The following CAPN13 variants were observed in gnomAD, a reference collection of about 807,000 sequenced individuals.
The protein encoded by CAPN13 is calpain 13, also known as calpain-13.
A neutral mutation model predicts 98.4 loss-of-function variants in CAPN13; 90 were observed. That is an observed-to-expected ratio of 0.92 (90% CI 0.77 to 1.09). CAPN13 has a LOEUF of 1.09. Among genes scored for constraint, CAPN13 ranks in the 50% least tolerant of loss-of-function variants. The pLI, the probability that CAPN13 is intolerant of heterozygous loss-of-function variation, is 0.00. For synonymous variants in CAPN13, 330 were observed against 305.5 expected, an observed-to-expected ratio of 1.08 and a Z score of -0.84; for missense variants, 887 against 841.3, an observed-to-expected ratio of 1.05 and a Z score of -0.67.
rs752236508 is a variant in CAPN13 at position 30,751,109 on chromosome 2, C to T, written c.1230G>A (p.Val410=). The T allele has an allele frequency of 3.7e-6, 6 of 1,613,598 alleles. No homozygotes were observed. The highest frequency in any genetic ancestry group is 5.1e-6 in the Non-Finnish European group (6 of 1,179,700). ...CTGAAGCAGGCTGCCTTACCAGAATCACTTGGAAATCGAGTGGAAATTTTG... is the reference window on the plus strand; with the variant it reads ...CTGAAGCAGGCTGCCTTACCAGAATTACTTGGAAATCGAGTGGAAATTTTG... ...EDAKFPLDFQ[V]ILAGSQRFRE... The change falls in exon 11 of 23, where the codon GTG becomes GTA. Residue 410 remains valine (V), a synonymous_variant. Coordinates refer to ENST00000295055, the MANE Select transcript of CAPN13 (RefSeq NM_144575.3).
chr2:30,772,904 G>A (rs146291196), intron 4 of CAPN13, among the ~76,000 whole-genome samples: 36 of 151,452 alleles, frequency 2.4e-4, no homozygotes, highest in African/African-American at 6.3e-4. Flanking sequence ...TCGGCTCACC[G>A]CAACCTCTGA....
At chr2:30,759,116 T>C (rs1672680383) in intron 7 of CAPN13, among the ~76,000 whole-genome samples, 1 of 101,538 alleles carries the variant, frequency 9.8e-6, no homozygotes, top group African/African-American at 4.4e-5. Context: ...CCTCCCTTTC[T>C]TCCTCTGTCT....
intron 8 of CAPN13, among the ~76,000 whole-genome samples, 164 bp from the exon 9 acceptor site, chr2:30,754,528 G>C (rs865818527): frequency 1.3e-5 from 2 of 152,254 alleles, no homozygotes; most frequent in African/African-American, 2.4e-5. Context: ...ACCTGTTGAC[G>C]ACTTCCAAAC....
At chr2:30,754,934 T>C (rs1672368735) in intron 8 of CAPN13, among the ~76,000 whole-genome samples, 1 of 152,128 alleles carries the variant, frequency 6.6e-6, no homozygotes, top group South Asian at 2.1e-4. Flanking sequence ...AATGTAAACT[T>C]GATTATATTA....
intron 9 of CAPN13, 82 bp downstream of exon 9, chr2:30,754,208 T>C: frequency 8.8e-7 from 1 of 1,130,346 alleles, no homozygotes; most frequent in Admixed American, 3.2e-5. Flanking sequence ...TCCACCTTCG[T>C]AAATGTTCAG....
intron 2 of CAPN13, among the ~76,000 whole-genome samples, chr2:30,781,519 G>C (rs376914828): frequency 6.6e-6 from 1 of 152,210 alleles, no homozygotes; most frequent in Admixed American, 6.5e-5. Context: ...TTCCCAGGGT[G>C]GGTGGGCACC....
intron 17 of CAPN13, chr2:30,737,638 CA>C (rs1671440725): frequency 6.3e-6 from 1 of 158,558 alleles, no homozygotes; most frequent in African/African-American, 2.4e-5. Context: ...CTGTGTAGAC[CA>C]GGCAGTTTTC....
At chr2:30,745,784 A>T in intron 11 of CAPN13, 50 bp from the exon 12 acceptor site, 3 of 1,560,760 alleles carry the variant, frequency 1.9e-6, no homozygotes, top group Non-Finnish European at 2.6e-6. Context: ...ACGTAAACAA[A>T]AAGGCAAGCA....
At position 30,782,730 on chromosome 2, in the gene CAPN13, C is replaced by A. The variant is rs186745550; in HGVS notation, c.198+4398G>T. ...AAGCAACGTGCTTGGGGCACACAGC[C>A]CATTTTTCAGTTGAGAAGTAAAACG... On this transcript the variant is annotated intron_variant, in intron 2 of 22. Coordinates refer to ENST00000295055, the MANE Select transcript of CAPN13 (RefSeq NM_144575.3). Among the ~76,000 whole-genome samples the A allele has an allele frequency of 2.5e-4, 38 of 152,152 alleles. 1 individual carries two copies. In the East Asian group the frequency reaches 7.0e-3, roughly 28 times the overall value.
At chr2:30,757,628 C>T (rs1428214543) in intron 8 of CAPN13, among the ~76,000 whole-genome samples, 1 of 152,180 alleles carries the variant, frequency 6.6e-6, no homozygotes, top group East Asian at 1.9e-4. Context: ...GATCAGAATC[C>T]CATGGGTCCC....
At chr2:30,799,051 C>A (rs541237608) in intron 1 of CAPN13, among the ~76,000 whole-genome samples, 44 of 152,162 alleles carry the variant, frequency 2.9e-4, no homozygotes, top group African/African-American at 1.0e-3. Context: ...CAGCTATATA[C>A]CACCTTGGCA....
chr2:30,796,173 T>TATATATATATATAC (rs1491460338), intron 1 of CAPN13, among the ~76,000 whole-genome samples: 2 of 139,146 alleles, frequency 1.4e-5, no homozygotes, highest in African/African-American at 5.7e-5. Context: ...TATATGTGTG[T>TATATATATATATAC]ATATATATAT....
chr2:30,741,924 T>C lies in CAPN13; in HGVS notation c.1520A>G (p.Asn507Ser), dbSNP rs1373773793. 3.7e-6 allele frequency: 6 copies of C among 1,613,950 alleles called. No individual in the cohort carries two copies. Among genetic ancestry groups the C allele is most frequent in the Non-Finnish European group, 5.1e-6 (6 of 1,179,856 alleles). The change falls in exon 15 of 23, where the codon AAC becomes AGC. Residue 507 changes from asparagine (N) to serine (S), a missense_variant. Transcript: ENST00000295055. ...SEHGSQQSIF[N>S]RYAQQRLDID... Reference sequence around the variant, plus strand: ...GTACCATACCTGCTGAGCATATCTGTTGAAAATGCTTTGTTGGGAGCCATG... The same window carrying C: ...GTACCATACCTGCTGAGCATATCTGCTGAAAATGCTTTGTTGGGAGCCATG...
At chr2:30,761,137 G>C (rs1235463459) in intron 7 of CAPN13, among the ~76,000 whole-genome samples, 2 of 152,214 alleles carry the variant, frequency 1.3e-5, no homozygotes, top group Non-Finnish European at 2.9e-5. Context: ...GATATAGTGA[G>C]TTGCTTTTCC....
intron 5 of CAPN13, 125 bp downstream of exon 5, chr2:30,770,188 A>G (rs930557178): frequency 7.7e-7 from 1 of 1,303,194 alleles, no homozygotes; most frequent in African/African-American, 1.5e-5. Context: ...GCACGTGGTG[A>G]TTGTTTATGG....
intron 1 of CAPN13, among the ~76,000 whole-genome samples, chr2:30,799,434 G>C (rs983053460): frequency 5.9e-5 from 9 of 152,284 alleles, no homozygotes; most frequent in African/African-American, 2.2e-4. Flanking sequence ...TGAATACCAT[G>C]GTGGGATTAG....
chr2:30,787,766 G>A (rs1379293116), intron 1 of CAPN13, among the ~76,000 whole-genome samples: 1 of 152,170 alleles, frequency 6.6e-6, no homozygotes, highest in Non-Finnish European at 1.5e-5. Flanking sequence ...TGGGATGGGG[G>A]CAGAGAGGGT....
chr2:30,788,180 G>A (rs534571773), intron 1 of CAPN13, among the ~76,000 whole-genome samples: 1 of 152,206 alleles, frequency 6.6e-6, no homozygotes, highest in South Asian at 2.1e-4. Flanking sequence ...GCTACATACT[G>A]CTTCTGCAAT....
rs551790265 is a variant in CAPN13 at position 30,727,130 on chromosome 2, T to A, written c.*30+3600A>T. Among the ~76,000 whole-genome samples the A allele has an allele frequency of 3.3e-5, 5 of 152,230 alleles. No homozygotes were observed. In the South Asian group the frequency reaches 8.3e-4, roughly 25 times the overall value. On this transcript the variant is annotated intron_variant, in intron 22 of 22. Coordinates refer to ENST00000295055, the MANE Select transcript of CAPN13 (RefSeq NM_144575.3). ...AGCAACTGGTGCTGGGACAAATGAA[T>A]GAATGCAAAAGAATGAAATTAGAAC...
Sources: gnomAD v4.1 joint callset for allele counts (sites outside exome capture counted in the v4.1 genomes callset) on GRCh38, gnomAD v4.1.1 for gene constraint, MANE v1.5 for transcripts, NCBI Gene and HGNC (gene_info 2026-07-23, HGNC 2026-07-21) for gene names.